The following MYSM1 variants were observed in gnomAD, a reference collection of about 807,000 sequenced individuals.
MYSM1 encodes the protein deubiquitinase MYSM1.
In MYSM1, 51 loss-of-function variants were observed where a neutral mutation model predicts 116.0. That is an observed-to-expected ratio of 0.44 (90% confidence interval 0.35 to 0.56). The LOEUF (loss-of-function observed/expected upper bound fraction) is 0.56. Ranked by LOEUF, MYSM1 falls within the 20% of genes least tolerant of loss-of-function variation. The probability of loss-of-function intolerance (pLI) is 0.00; values close to 1 mark genes in which losing one functional copy is unlikely to be tolerated. For synonymous variants in MYSM1, 313 were observed against 315.2 expected, an observed-to-expected ratio of 0.99 and a Z score of 0.07; for missense variants, 900 against 974.9, an observed-to-expected ratio of 0.92 and a Z score of 1.02.
Position 58,681,849 on chromosome 1 carries a change from CA to C in MYSM1, c.1194del (p.Phe398LeufsTer13). ...TCTGGTGTTTTAGCTTGGCGCCCCT[CA>C]AAAAACTCAGGAATTGCTTGTTTTT... ...EEEKQAIPEFFEGRQAKTPER... is the reference protein window; with the variant it reads ...EEEKQAIPEFXEGRQAKTPER... On this transcript the variant is annotated frameshift_variant, in exon 8 of 20. Transcript: ENST00000472487. LOFTEE classifies it high-confidence loss of function. The C allele has an allele frequency of 6.2e-7, 1 of 1,611,712 alleles. No individual in the cohort carries two copies. Among genetic ancestry groups the C allele is most frequent in the Non-Finnish European group, 8.5e-7 (1 of 1,179,546 alleles).
At chr1:58,699,629 T>A (rs1645033508) in intron 1 of MYSM1, 1 of 985,150 alleles carries the variant, frequency 1.0e-6, no homozygotes, top group African/African-American at 1.7e-5. Flanking sequence ...TGACCTCAGG[T>A]CTCGTCCGTA....
At chr1:58,673,145 TA>T (rs1644588978) in intron 11 of MYSM1, among the ~76,000 whole-genome samples, 1 of 152,352 alleles carries the variant, frequency 6.6e-6, no homozygotes, top group African/African-American at 2.4e-5. Flanking sequence ...AGCCAGTACG[TA>T]CACATTCACA....
At chr1:58,698,395 T>G (rs1645014403) in intron 1 of MYSM1, among the ~76,000 whole-genome samples, 1 of 151,788 alleles carries the variant, frequency 6.6e-6, no homozygotes. Flanking sequence ...CCACCATGCC[T>G]GGCCCAGAAT....
chr1:58,655,318 A>AT lies in MYSM1; in HGVS notation c.*4678dup, dbSNP rs68085788. The AT allele has an allele frequency of 6.6e-6, 1 of 152,018 alleles. No individual in the cohort carries two copies. Among genetic ancestry groups the AT allele is most frequent in the Non-Finnish European group, 1.5e-5 (1 of 67,980 alleles). 9.4% of individuals were successfully genotyped at this position (152,018 alleles called of 1,614,324 possible). Reference sequence around the variant, plus strand: ...AAATGTCAAAAATAGCAAATCAGGCATTTTTTTCCCCTGAAATTAAAGTTC... The same window carrying AT: ...AAATGTCAAAAATAGCAAATCAGGCATTTTTTTTCCCCTGAAATTAAAGTTC... On this transcript the variant is annotated 3_prime_UTR_variant, in exon 20 of 20. Coordinates refer to ENST00000472487, the MANE Select transcript of MYSM1 (RefSeq NM_001085487.3).
At chr1:58,660,402 T>C (rs1197693637) in intron 19 of MYSM1, among the ~76,000 whole-genome samples, 6 of 152,142 alleles carry the variant, frequency 3.9e-5, no homozygotes, top group Non-Finnish European at 8.8e-5. Context: ...CCTGAGATTG[T>C]TTATGTGATG....
chr1:58,685,283 T>C (rs1054017689), intron 6 of MYSM1, 32 bp from the exon 7 acceptor site: 3 of 1,516,350 alleles, frequency 2.0e-6, no homozygotes, highest in Non-Finnish European at 2.7e-6. Flanking sequence ...AAAAATTGCT[T>C]TTGATGAATT....
chr1:58,682,221 A>G lies in MYSM1; in HGVS notation c.823T>C (p.Ser275Pro), dbSNP rs749595480. Residue 275 changes from serine to proline, a missense_variant, in exon 8 of 20, where the codon TCT becomes CCT. By Grantham distance (74) the Ser-to-Pro change is moderately conservative. Around this residue, in one of 3 missense-constraint regions of MYSM1, gnomAD observed 622 missense variants for 623.7 expected, o/e 1.00. Coordinates refer to ENST00000472487, the MANE Select transcript of MYSM1 (RefSeq NM_001085487.3). ...TCATTTTGAAGACAGCCCCTGGAAG[A>G]CTTAGAAAAGAGAGCTTCCTGGCTG... ...SDSQEALFSK[S>P]SRGCLQNEKQ... The G allele has an allele frequency of 6.2e-7, 1 of 1,613,076 alleles. No homozygotes were observed. Among genetic ancestry groups the G allele is most frequent in the African/African-American group, 1.3e-5 (1 of 74,912 alleles).
Position 58,665,494 on chromosome 1 carries a change from C to T in MYSM1, c.2164+5G>A, listed in dbSNP as rs1258742664. ...AGGATAAAGTTATTTTTGTTGAAAA[C>T]TTACGATAAGAGCCATCTGGGCTAA... On this transcript the variant is annotated splice_donor_5th_base_variant and intron_variant, in intron 17 of 19. Transcript: ENST00000472487. 1 of 1,578,932 alleles carries T rather than the reference C, an allele frequency of 6.3e-7. No homozygotes were observed. The highest frequency in any genetic ancestry group is 1.4e-5 in the African/African-American group (1 of 73,034).
intron 7 of MYSM1, among the ~76,000 whole-genome samples, chr1:58,683,031 G>A (rs953764629): frequency 3.9e-5 from 6 of 152,140 alleles, no homozygotes; most frequent in Non-Finnish European, 5.9e-5. Context: ...GATTGGGCAC[G>A]TTCATGGTGG....
At chr1:58,686,235 T>G (rs973261667) in intron 6 of MYSM1, among the ~76,000 whole-genome samples, 1 of 152,056 alleles carries the variant, frequency 6.6e-6, no homozygotes, top group Non-Finnish European at 1.5e-5. Flanking sequence ...AATGACAACT[T>G]GAGGGAGCTC....
chr1:58,667,768 T>C, intron 15 of MYSM1, 79 bp downstream of exon 15: 1 of 844,150 alleles, frequency 1.2e-6, no homozygotes, highest in Admixed American at 1.9e-5. Flanking sequence ...TTTAATTATA[T>C]TAACTGAATT....
intron 10 of MYSM1, among the ~76,000 whole-genome samples, chr1:58,673,889 G>GGTGGGCAGGGT (rs1644603223): frequency 6.6e-6 from 1 of 152,182 alleles, no homozygotes; most frequent in Admixed American, 6.5e-5. Context: ...ACCAGTAGCA[G>GGTGGGCAGGGT]GTGGGCAGGG....
chr1:58,664,254 G>T (rs1644435801), intron 17 of MYSM1, among the ~76,000 whole-genome samples: 1 of 152,174 alleles, frequency 6.6e-6, no homozygotes, highest in Non-Finnish European at 1.5e-5. Flanking sequence ...AAGAGAACAA[G>T]TTAATTGCGA....
At chr1:58,686,965 T>A (rs376185176) in intron 6 of MYSM1, among the ~76,000 whole-genome samples, 1 of 142,792 alleles carries the variant, frequency 7.0e-6, no homozygotes, top group Non-Finnish European at 1.5e-5. Flanking sequence ...CCTTGTTTCT[T>A]AAAAAAAAAA....
intron 1 of MYSM1, among the ~76,000 whole-genome samples, chr1:58,698,877 T>C (rs1645022216): frequency 1.3e-5 from 2 of 152,200 alleles, no homozygotes; most frequent in Non-Finnish European, 2.9e-5. Context: ...GAGTTCATGA[T>C]ACACTTCTAA....
chr1:58,689,805 T>G (rs1644877747), intron 5 of MYSM1: 1 of 158,920 alleles, frequency 6.3e-6, no homozygotes, highest in Non-Finnish European at 1.4e-5. Flanking sequence ...GTTTTTTCAA[T>G]TATAGGGAAA....
chr1:58,681,776 C>A lies in MYSM1; in HGVS notation c.1259+9G>T. 2 of 1,569,012 alleles carry A rather than the reference C, an allele frequency of 1.3e-6. No individual in the cohort carries two copies. Among genetic ancestry groups the A allele is most frequent in the Non-Finnish European group, 1.7e-6 (2 of 1,162,496 alleles). On this transcript the variant is annotated intron_variant, in intron 8 of 19. Coordinates refer to ENST00000472487, the MANE Select transcript of MYSM1 (RefSeq NM_001085487.3). ...TTAAAACAACATCTATAATGTAATTCTTTCTTACCATTGATCCAAAATATA... is the reference window on the plus strand; with the variant it reads ...TTAAAACAACATCTATAATGTAATTATTTCTTACCATTGATCCAAAATATA...
chr1:58,688,694 TCA>T (rs1249316131), intron 6 of MYSM1, among the ~76,000 whole-genome samples: 2 of 78,132 alleles, frequency 2.6e-5, no homozygotes, highest in Non-Finnish European at 5.7e-5. Flanking sequence ...TTATTTTATT[TCA>T]AAAAAAAAAA....
rs371918367 is a variant in MYSM1, at chr1:58,681,841, G to A, written c.1203C>T (p.Arg401=). 99 of 1,609,700 alleles carry A rather than the reference G, an allele frequency of 6.2e-5. No individual in the cohort carries two copies. The highest frequency in any genetic ancestry group is 8.2e-5 in the Non-Finnish European group (97 of 1,179,020). Residue 401 remains arginine, a synonymous_variant, in exon 8 of 20, where the codon CGC becomes CGT. Coordinates refer to ENST00000472487, the MANE Select transcript of MYSM1 (RefSeq NM_001085487.3). ...KQAIPEFFEG[R]QAKTPERYLK... The stretch of plus-strand genomic sequence containing the variant: ...AATAGCGTTCTGGTGTTTTAGCTTG[G>A]CGCCCCTCAAAAAACTCAGGAATTG...
Sources: allele counts gnomAD v4.1 joint callset (sites outside exome capture counted in the v4.1 genomes callset), GRCh38; gene constraint gnomAD v4.1.1; regional missense constraint gnomAD v4.1.1; transcripts MANE v1.5; gene names NCBI Gene and HGNC (gene_info 2026-07-23, HGNC 2026-07-21).